Variants in LOC400499 observed in about 807,000 individuals in gnomAD.
chr16:11,489,856 G>A, the LOC400499 span, among the ~76,000 whole-genome samples: 1 of 152,164 alleles, frequency 6.6e-6, no homozygotes, highest in Non-Finnish European at 1.5e-5. Flanking sequence ...CTTTACCATG[G>A]CAACTTATCT....
At chr16:11,516,707 C>T in the LOC400499 span, among the ~76,000 whole-genome samples, 3 of 152,186 alleles carry the variant, frequency 2.0e-5, no homozygotes, top group Non-Finnish European at 2.9e-5. Flanking sequence ...GCTCTGTTGC[C>T]CAGGCTGAGC....
the LOC400499 span, among the ~76,000 whole-genome samples, chr16:11,521,656 C>A: frequency 2.0e-5 from 3 of 152,168 alleles, no homozygotes; most frequent in Non-Finnish European, 4.4e-5. Context: ...CCCTAGGGCA[C>A]AGTATGTCCC....
the LOC400499 span, among the ~76,000 whole-genome samples, chr16:11,410,582 C>T: frequency 6.6e-6 from 1 of 152,262 alleles, no homozygotes; most frequent in Non-Finnish European, 1.5e-5. Context: ...AGCGCATGCT[C>T]TGTAGACAAA....
At chr16:11,426,304 C>T in the LOC400499 span, among the ~76,000 whole-genome samples, 6 of 152,070 alleles carry the variant, frequency 3.9e-5, no homozygotes, top group South Asian at 2.1e-4. Flanking sequence ...GGTGTGGTGG[C>T]GCATGCCTGT....
chr16:11,466,522 G>A, the LOC400499 span, among the ~76,000 whole-genome samples: 1 of 152,040 alleles, frequency 6.6e-6, no homozygotes, highest in Non-Finnish European at 1.5e-5. Context: ...CCAAGTAGCT[G>A]GGATTACAGG....
the LOC400499 span, among the ~76,000 whole-genome samples, chr16:11,505,486 C>T: frequency 9.0e-6 from 1 of 110,624 alleles, no homozygotes; most frequent in Non-Finnish European, 1.7e-5. Context: ...AAGAGTCTCA[C>T]TCTGTCACCC....
the LOC400499 span, among the ~76,000 whole-genome samples, chr16:11,503,833 C>T: frequency 6.6e-6 from 1 of 152,334 alleles, no homozygotes; most frequent in Non-Finnish European, 1.5e-5. Flanking sequence ...GGCTAACTGC[C>T]ACCATCGCAG....
chr16:11,395,763 C>G, the LOC400499 span, among the ~76,000 whole-genome samples: 1 of 152,202 alleles, frequency 6.6e-6, no homozygotes, highest in Non-Finnish European at 1.5e-5. Flanking sequence ...GTTCACCTGG[C>G]CAGGGAGACA....
At chr16:11,513,846 T>C in the LOC400499 span, among the ~76,000 whole-genome samples, 1 of 152,150 alleles carries the variant, frequency 6.6e-6, no homozygotes. Flanking sequence ...CAGTAAATCC[T>C]TCCAAAGTCC....
the LOC400499 span, among the ~76,000 whole-genome samples, chr16:11,495,627 G>A: frequency 1.7e-4 from 26 of 152,114 alleles, no homozygotes; most frequent in East Asian, 9.7e-4. Flanking sequence ...TGATCTGCCC[G>A]CCTCGGTCTC....
chr16:11,372,780 TGAGGAG>T, the LOC400499 span: 1 of 957,952 alleles, frequency 1.0e-6, no homozygotes, highest in Non-Finnish European at 1.2e-6. Context: ...TATGGGCCCC[TGAGGAG>T]AGGGGCCCCT....
chr16:11,443,253 G>A, the LOC400499 span: 1 of 312,800 alleles, frequency 3.2e-6, no homozygotes. Flanking sequence ...GAACCCAGGA[G>A]GCAGAGGTTG....
chr16:11,478,252 T>C, the LOC400499 span, among the ~76,000 whole-genome samples: 1 of 150,430 alleles, frequency 6.6e-6, no homozygotes, highest in Non-Finnish European at 1.5e-5. Flanking sequence ...GGTCTCAAAC[T>C]CCTGATCTCA....
At chr16:11,444,186 C>T in the LOC400499 span, among the ~76,000 whole-genome samples, 2 of 152,088 alleles carry the variant, frequency 1.3e-5, no homozygotes, top group Non-Finnish European at 1.5e-5. Flanking sequence ...CCCCTGAATC[C>T]AAGAGATCAA....
the LOC400499 span, chr16:11,471,730 G>A: frequency 2.5e-5 from 10 of 399,264 alleles, no homozygotes; most frequent in East Asian, 3.6e-5. Context: ...CGTCACGGCC[G>A]CGAACACAGG....
the LOC400499 span, chr16:11,412,847 G>A: frequency 1.3e-5 from 5 of 399,068 alleles, no homozygotes; most frequent in Non-Finnish European, 2.2e-5. Flanking sequence ...TCACCTGACT[G>A]CCTGGTTCTG....
chr16:11,412,610 CT>C, the LOC400499 span, among the ~76,000 whole-genome samples: 2 of 152,222 alleles, frequency 1.3e-5, no homozygotes, highest in Non-Finnish European at 2.9e-5. Flanking sequence ...CTTGGATGCA[CT>C]TAGTTTCTGA....
the LOC400499 span, chr16:11,450,883 C>T: frequency 6.9e-7 from 1 of 1,442,580 alleles, no homozygotes; most frequent in African/African-American, 1.4e-5. Context: ...TAGCAGGCAG[C>T]TGGAGGTCCC....
At chr16:11,477,909 C>A in the LOC400499 span, 2 of 398,908 alleles carry the variant, frequency 5.0e-6, no homozygotes, top group South Asian at 1.3e-4. Context: ...GCAGCCGAGG[C>A]ATTTAGGGTC....
Sources: allele counts gnomAD v4.1 joint callset (sites outside exome capture counted in the v4.1 genomes callset), GRCh38; gene constraint gnomAD v4.1.1; transcripts MANE v1.5.